The following PPIE variants were observed in gnomAD, a reference collection of about 807,000 sequenced individuals.
PPIE encodes the protein peptidyl-prolyl cis-trans isomerase E.
PPIE carries 20 observed loss-of-function variants against 38.4 expected under a neutral mutation model. The observed-to-expected ratio is 0.52, with a 90% CI of 0.37 to 0.76. The LOEUF (loss-of-function observed/expected upper bound fraction) is 0.76, where lower values mean the gene tolerates loss of function less well. PPIE is among the 30% of genes least tolerant of loss of function. The pLI, the probability that PPIE is intolerant of heterozygous loss-of-function variation, is 0.00. For synonymous variants in PPIE, 142 were observed against 135.7 expected (o/e 1.05, Z -0.32); for missense variants, 322 against 385.8 (o/e 0.83, Z 1.39).
At chr1:39,749,942 TAACTAA>T (rs1173179318) in intron 8 of PPIE, among the ~76,000 whole-genome samples, 2 of 152,150 alleles carry the variant, frequency 1.3e-5, no homozygotes, top group African/African-American at 4.8e-5. Context: ...GAGGCCAGCC[TAACTAA>T]CATGGAGAAA....
At chr1:39,759,193 C>T (rs1648620345), downstream of PPIE, 1 of 152,314 alleles carries the variant, frequency 6.6e-6, no homozygotes, top group Non-Finnish European at 1.5e-5. Context: ...ACAAACCTCT[C>T]CACCCAACTC....
In PPIE at chr1:39,753,206, C is replaced by G; in HGVS notation, c.838-81C>G. The G allele has an allele frequency of 1.9e-6, 3 of 1,593,110 alleles. No homozygotes were observed. In the Middle Eastern group the frequency reaches 5.0e-4, roughly 266 times the overall value. ...GCCCAGGTTCCGGGGTGGAAGTGGG[C>G]AAATGGGCAGGCAGGGGTTGGTATC... On this transcript the variant is annotated intron_variant, in intron 9 of 9. Coordinates refer to ENST00000324379, the MANE Select transcript of PPIE (RefSeq NM_006112.4).
At chr1:39,744,301 C>T (rs893959965) in intron 6 of PPIE, among the ~76,000 whole-genome samples, 3 of 152,182 alleles carry the variant, frequency 2.0e-5, no homozygotes, top group African/African-American at 7.2e-5. Flanking sequence ...CTTCCTATTC[C>T]TGTGCTAATG....
At chr1:39,760,640 C>A, downstream of PPIE, 1 of 1,533,266 alleles carries the variant, frequency 6.5e-7, no homozygotes. Context: ...CAGCCCCACC[C>A]CAGCTCCACC....
At chr1:39,745,327 T>C (rs754333249) in intron 6 of PPIE, 48 bp from the exon 7 acceptor site, 4 of 1,612,462 alleles carry the variant, frequency 2.5e-6, no homozygotes, top group Non-Finnish European at 3.4e-6. Flanking sequence ...CACTCCTACT[T>C]AGGGCGTCAG....
chr1:39,738,949 C>T lies in PPIE; in HGVS notation c.31+18C>T, dbSNP rs757047190. On this transcript the variant is annotated intron_variant, in intron 1 of 9. Coordinates refer to ENST00000324379, the MANE Select transcript of PPIE (RefSeq NM_006112.4). Reference sequence around the variant, plus strand: ...GTACGTGGGTGAGCAGGAGGGGTTGCTAGGCGGAGTCTGAGTGAACGCGAC... The same window carrying T: ...GTACGTGGGTGAGCAGGAGGGGTTGTTAGGCGGAGTCTGAGTGAACGCGAC... The T allele has an allele frequency of 6.2e-6, 9 of 1,463,408 alleles. No homozygotes were observed. The Middle Eastern group carries it at 5.4e-4, about 89-fold the overall frequency. 90.7% of individuals were successfully genotyped at this position (1,463,408 alleles called of 1,614,324 possible).
At position 39,754,045 on chromosome 1, in the gene PPIE, G is replaced by A; in HGVS notation, c.*690G>A. 2.0e-6 allele frequency: 2 copies of A among 985,396 alleles called. No homozygotes were observed. Among genetic ancestry groups the A allele is most frequent in the Non-Finnish European group, 2.4e-6 (2 of 829,918 alleles). The allele number at this position is 985,396 out of a possible 1,614,324, so 61.0% of individuals were successfully genotyped here. ...AAAAATGAAATTTTTATAACTCAAA[G>A]TGCCTTCTCTGTGCCAAGTACTATG... On this transcript the variant is annotated 3_prime_UTR_variant, in exon 10 of 10. Transcript: ENST00000324379.
At chr1:39,752,356 C>T (rs572082793) in intron 8 of PPIE, among the ~76,000 whole-genome samples, 2 of 152,300 alleles carry the variant, frequency 1.3e-5, no homozygotes, top group African/African-American at 2.4e-5. Context: ...TGGCCTTCTC[C>T]CCTAAACTCT....
At chr1:39,739,053 G>A in intron 1 of PPIE, 122 bp downstream of exon 1, 1 of 1,130,930 alleles carries the variant, frequency 8.8e-7, no homozygotes, top group Non-Finnish European at 1.2e-6. Flanking sequence ...CGGGTCTCTG[G>A]CGGTAGTGCT....
chr1:39,755,208 G>T lies in PPIE; in HGVS notation c.*1853G>T. Reference sequence around the variant, plus strand: ...TGTAGCTGTTGGACACCTCCTGTGGGTTGGGTCACTCAGACCATTCAGAAT... The same window carrying T: ...TGTAGCTGTTGGACACCTCCTGTGGTTTGGGTCACTCAGACCATTCAGAAT... On this transcript the variant is annotated 3_prime_UTR_variant, in exon 10 of 10. Coordinates refer to ENST00000324379, the MANE Select transcript of PPIE (RefSeq NM_006112.4). 1.0e-6 allele frequency: 1 copy of T among 985,464 alleles called. No homozygotes were observed. Among genetic ancestry groups the T allele is most frequent in the South Asian group, 4.7e-5 (1 of 21,284 alleles). The allele number at this position is 985,464 out of a possible 1,614,324, so 61.0% of individuals were successfully genotyped here.
chr1:39,746,331 G>C (rs1011078403), intron 7 of PPIE: 1 of 152,152 alleles, frequency 6.6e-6, no homozygotes, highest in African/African-American at 2.4e-5. Flanking sequence ...ATAGTTTTCT[G>C]TGTAATCATT....
chr1:39,741,543 G>C, intron 3 of PPIE, 134 bp downstream of exon 3: 1 of 927,756 alleles, frequency 1.1e-6, no homozygotes, highest in Non-Finnish European at 1.7e-6. Flanking sequence ...AGTAAGTGCT[G>C]TTCTAAGGAA....
At chr1:39,752,452 C>CACACACATACATACATGTACACAT in intron 8 of PPIE, among the ~76,000 whole-genome samples, 1 of 152,234 alleles carries the variant, frequency 6.6e-6, no homozygotes, top group Non-Finnish European at 1.5e-5. Flanking sequence ...TGTGGACACA[C>CACACACATACATACATGTACACAT]ACACACATAC....
At chr1:39,748,833 A>T in intron 7 of PPIE, 70 bp from the exon 8 acceptor site, 1 of 1,463,436 alleles carries the variant, frequency 6.8e-7, no homozygotes, top group Non-Finnish European at 9.3e-7. Context: ...ACACTAAACC[A>T]AAGTTTTTTC....
chr1:39,753,296 A>T lies in PPIE; in HGVS notation c.847A>T (p.Ser283Cys), dbSNP rs1413937806. ...CTATTCTGCCACAAAGGCCCAGGGC[A>T]GCAAGGACGGGAAGCCAAAGCAGAA... ...DVLRQIEAQGSKDGKPKQKVI... is the reference protein window; with the variant it reads ...DVLRQIEAQGCKDGKPKQKVI... Residue 283 changes from serine (S) to cysteine (C), a missense_variant, in exon 10 of 10, where the codon AGC becomes TGC. Transcript: ENST00000324379. The T allele has an allele frequency of 6.2e-7, 1 of 1,614,084 alleles. No individual in the cohort carries two copies. The highest frequency in any genetic ancestry group is 8.5e-7 in the Non-Finnish European group (1 of 1,180,014).
chr1:39,761,497 A>G (rs1231623691), downstream of PPIE: 1 of 150,300 alleles, frequency 6.7e-6, no homozygotes, highest in Non-Finnish European at 1.5e-5. Flanking sequence ...GGACCAGAAC[A>G]CTGCTTTGCT....
At position 39,755,553 on chromosome 1, in the gene PPIE, C is replaced by G. The variant is rs1179158796; in HGVS notation, c.*2198C>G. The G allele has an allele frequency of 2.0e-6, 2 of 985,322 alleles. No individual in the cohort carries two copies. The highest frequency in any genetic ancestry group is 9.4e-5 in the South Asian group (2 of 21,298). The allele number at this position is 985,322 out of a possible 1,614,324, so 61.0% of individuals were successfully genotyped here. A position where few individuals can be genotyped will look rare whatever the true frequency, so the allele number is the denominator to read the frequency against. On this transcript the variant is annotated 3_prime_UTR_variant, in exon 10 of 10. Transcript: ENST00000324379. ...TCAGAGGTCAGTCACAGGTGTTAGG[C>G]AGGCATCTATGAAGCTGGGGATGAT...
intron 8 of PPIE, among the ~76,000 whole-genome samples, chr1:39,750,088 G>A (rs1557453247): frequency 6.6e-6 from 1 of 151,776 alleles, no homozygotes; most frequent in African/African-American, 2.4e-5. Context: ...AGCCAAGATC[G>A]CACCATTGCA....
At chr1:39,749,440 AC>A (rs1351033316) in intron 8 of PPIE, among the ~76,000 whole-genome samples, 2 of 152,100 alleles carry the variant, frequency 1.3e-5, no homozygotes, top group Non-Finnish European at 2.9e-5. Context: ...GAGAAAAAAC[AC>A]AGAATTGTAC....
Sources: gnomAD v4.1 joint callset for allele counts (sites outside exome capture counted in the v4.1 genomes callset) on GRCh38, gnomAD v4.1.1 for gene constraint, MANE v1.5 for transcripts, NCBI Gene and HGNC (gene_info 2026-07-23, HGNC 2026-07-21) for gene names.